IQANK1: variants seen among roughly 807,000 people sequenced by gnomAD.
The protein encoded by IQANK1 is IQ motif and ankyrin repeat domain-containing protein 1.
In IQANK1, 30 loss-of-function variants were observed where a neutral mutation model predicts 22.6. The ratio of observed to expected loss-of-function variants is 1.33; its 90% CI spans 0.99 to 1.80. The LOEUF (loss-of-function observed/expected upper bound fraction) is 1.80. Ranked by LOEUF, IQANK1 falls within the 40% of genes most tolerant of loss-of-function variation. The probability of loss-of-function intolerance (pLI) is 0.00; values close to 1 mark genes in which losing one functional copy is unlikely to be tolerated. For missense variants in IQANK1, 275 were observed against 235.2 expected (o/e 1.17, Z -1.11); for synonymous variants, 122 against 99.6 (o/e 1.23, Z -1.34).
chr8:143,753,006 T>TG (rs1819223758), intron 3 of IQANK1, among the ~76,000 whole-genome samples: 1 of 137,146 alleles, frequency 7.3e-6, no homozygotes, highest in African/African-American at 2.8e-5. Context: ...GTTTTTTTTT[T>TG]TTTTTTTTTT....
At chr8:143,768,970 T>C (rs1354638672) in intron 3 of IQANK1, among the ~76,000 whole-genome samples, 1 of 152,150 alleles carries the variant, frequency 6.6e-6, no homozygotes, top group East Asian at 1.9e-4. Flanking sequence ...CTGACCCAAA[T>C]AGGGCTACCA....
chr8:143,788,482 A>G (rs1554631704), intron 7 of IQANK1, among the ~76,000 whole-genome samples: 1 of 152,140 alleles, frequency 6.6e-6, no homozygotes, highest in East Asian at 1.9e-4. Context: ...GCAGGCAGAG[A>G]TCTGTGGGAG....
At chr8:143,751,617 A>G (rs1819188654) in intron 3 of IQANK1, among the ~76,000 whole-genome samples, 1 of 131,396 alleles carries the variant, frequency 7.6e-6, no homozygotes, top group Non-Finnish European at 1.6e-5. Flanking sequence ...ATCTCAAAAA[A>G]AAAAAAAAGT....
chr8:143,735,793 C>A lies in IQANK1; in HGVS notation c.-4-57C>A. On this transcript the variant is annotated intron_variant, in intron 1 of 13. Coordinates refer to ENST00000527139, the MANE Select transcript of IQANK1 (RefSeq NM_001381874.1). This position sits in a 1 kb window ranked among gnomAD's most constrained non-coding sequence, Gnocchi z 5.2. The stretch of plus-strand genomic sequence containing the variant: ...TGCCCTGTTCCCCACTGCCACTGCC[C>A]CTGCCCTCTGCCACTCTGAGCACCC... 2.9e-6 allele frequency: 2 copies of A among 700,244 alleles called. No individual in the cohort carries two copies. The highest frequency in any genetic ancestry group is 3.0e-5 in the South Asian group (2 of 67,358). The allele number at this position is 700,244 out of a possible 1,614,324, so 43.4% of individuals were successfully genotyped here. A position where few individuals can be genotyped will look rare whatever the true frequency, so the allele number is the denominator to read the frequency against.
intron 3 of IQANK1, among the ~76,000 whole-genome samples, chr8:143,741,007 G>C (rs1220475440): frequency 6.6e-6 from 1 of 152,204 alleles, no homozygotes; most frequent in Non-Finnish European, 1.5e-5. Flanking sequence ...AGGGAACTCT[G>C]GGGAGGATGT....
intron 3 of IQANK1, among the ~76,000 whole-genome samples, chr8:143,764,877 CATATGTA>C (rs1819457976): frequency 6.6e-6 from 1 of 152,074 alleles, no homozygotes; most frequent in African/African-American, 2.4e-5. Context: ...TACAAAAGAA[CATATGTA>C]ATATATATGT....
intron 7 of IQANK1, among the ~76,000 whole-genome samples, chr8:143,779,541 TTC>T (rs1262048768): frequency 6.6e-6 from 1 of 150,590 alleles, no homozygotes; most frequent in Non-Finnish European, 1.5e-5. Flanking sequence ...CTAATCTTCA[TTC>T]TCTTATAGTT....
rs781986833 is a variant in IQANK1 at position 143,752,995 on chromosome 8, C to CG, written c.175+13048dup. ...TCCCACAGGTCCCTTACTCTCTGTT[C>CG]GTTTTTTTTTTTTTTTTTTTTTTTT... is the stretch of plus-strand genomic sequence containing the variant. On this transcript the variant is annotated intron_variant, in intron 3 of 13. Coordinates refer to ENST00000527139, the MANE Select transcript of IQANK1 (RefSeq NM_001381874.1). 3.7e-3 allele frequency among the ~76,000 whole-genome samples: 277 copies of CG among 74,738 alleles called. 8 individuals are homozygous for CG. Among genetic ancestry groups the CG allele is most frequent in the African/African-American group, 0.012 (249 of 20,838 alleles). The allele number at this position is 74,738 out of a possible 152,430, so 49.0% of individuals were successfully genotyped here.
chr8:143,742,848 T>C, intron 3 of IQANK1: 3 of 456,136 alleles, frequency 6.6e-6, no homozygotes, highest in South Asian at 4.6e-5. Context: ...ACATGGCCTG[T>C]GCTGCTGTCA....
In IQANK1 at chr8:143,790,473, T is replaced by C; in HGVS notation, c.1548T>C (p.Tyr516=). The part of the protein sequence containing the change: ...SLLRPTDGPE[Y]SPTQFQEQRL... ...TGCGGCCCACGGACGGGCCTGAGTA[T>C]AGCCCCACGCAGTTCCAGGAGCAGC... Residue 516 remains tyrosine (Y), a synonymous_variant, in exon 14 of 14, where the codon TAT becomes TAC. Coordinates refer to ENST00000527139, the MANE Select transcript of IQANK1 (RefSeq NM_001381874.1). 2 of 427,442 alleles carry C rather than the reference T, an allele frequency of 4.7e-6. No individual in the cohort carries two copies. The highest frequency in any genetic ancestry group is 7.9e-6 in the Non-Finnish European group (2 of 252,220). 26.5% of individuals were successfully genotyped at this position (427,442 alleles called of 1,614,324 possible). A position where few individuals can be genotyped will look rare whatever the true frequency, so the allele number is the denominator to read the frequency against.
At chr8:143,751,326 T>C (rs1365934249) in intron 3 of IQANK1, among the ~76,000 whole-genome samples, 1 of 151,924 alleles carries the variant, frequency 6.6e-6, no homozygotes, top group African/African-American at 2.4e-5. Context: ...AATTTAAAAA[T>C]ATGGGCTGGG....
At chr8:143,762,292 A>G (rs180973945) in intron 3 of IQANK1, among the ~76,000 whole-genome samples, 1 of 146,968 alleles carries the variant, frequency 6.8e-6, no homozygotes, top group African/African-American at 2.5e-5. Flanking sequence ...CTGGGCAACA[A>G]GAGTGAAACT....
chr8:143,772,769 A>C (rs1223604829), intron 7 of IQANK1, among the ~76,000 whole-genome samples: 1 of 152,162 alleles, frequency 6.6e-6, no homozygotes, highest in African/African-American at 2.4e-5. Context: ...CCATTTTGTG[A>C]ATGCCTTTGG....
In IQANK1 at chr8:143,739,949, G is replaced by T. The variant is rs1354985029; in HGVS notation, c.175+1G>T. Reference sequence around the variant, plus strand: ...GCTGAGAGCCCACAGGCCCCCACAGGTGAGAGCCCGCACGTCCCGCGCCGC... The same window carrying T: ...GCTGAGAGCCCACAGGCCCCCACAGTTGAGAGCCCGCACGTCCCGCGCCGC... On this transcript the variant is annotated splice_donor_variant, in intron 3 of 13. Transcript: ENST00000527139. LOFTEE classifies it high-confidence loss of function. 1 of 693,076 alleles carries T rather than the reference G, an allele frequency of 1.4e-6. No individual in the cohort carries two copies. The highest frequency in any genetic ancestry group is 2.0e-5 in the Admixed American group (1 of 49,202). 42.9% of individuals were successfully genotyped at this position (693,076 alleles called of 1,614,324 possible).
chr8:143,789,893 C>G (rs1819989187), intron 11 of IQANK1, 24 bp downstream of exon 11: 1 of 1,231,772 alleles, frequency 8.1e-7, no homozygotes, highest in Admixed American at 4.2e-5. Context: ...GGGGCGCCGG[C>G]TGGGGGCTGG....
At chr8:143,778,459 A>C (rs1206562623) in intron 7 of IQANK1, among the ~76,000 whole-genome samples, 2 of 152,228 alleles carry the variant, frequency 1.3e-5, no homozygotes, top group African/African-American at 2.4e-5. Context: ...AGGACATAAA[A>C]ATCCTAAATG....
chr8:143,754,408 C>A (rs1819250754), intron 3 of IQANK1, among the ~76,000 whole-genome samples: 1 of 152,208 alleles, frequency 6.6e-6, no homozygotes, highest in South Asian at 2.1e-4. Context: ...GGGCTGCATT[C>A]TCATCTCAAG....
chr8:143,741,567 A>G (rs1192525328), intron 3 of IQANK1, among the ~76,000 whole-genome samples: 1 of 152,330 alleles, frequency 6.6e-6, no homozygotes, highest in East Asian at 1.9e-4. Flanking sequence ...TATTTCAGGC[A>G]GAACAGACTG....
At chr8:143,786,027 A>AT (rs34432549) in intron 7 of IQANK1, among the ~76,000 whole-genome samples, 1 of 151,374 alleles carries the variant, frequency 6.6e-6, no homozygotes, top group Non-Finnish European at 1.5e-5. Context: ...GCCTGGCCTA[A>AT]TTTTTTTTAT....
Sources: allele counts gnomAD v4.1 joint callset (sites outside exome capture counted in the v4.1 genomes callset), GRCh38; gene constraint gnomAD v4.1.1; non-coding constraint Gnocchi (gnomAD v3.1); transcripts MANE v1.5; gene names NCBI Gene and HGNC (gene_info 2026-07-23, HGNC 2026-07-21).